The following SORCS2 variants were observed in gnomAD, a reference collection of about 807,000 sequenced individuals.
SORCS2 encodes the protein VPS10 domain-containing receptor SorCS2.
Under a neutral mutation model 141.6 loss-of-function variants are expected in SORCS2, and 100 were observed. The observed-to-expected ratio is 0.71, with a 90% CI of 0.60 to 0.83. The LOEUF (loss-of-function observed/expected upper bound fraction) is 0.83. SORCS2 is among the 40% of genes least tolerant of loss of function. The pLI, the probability that SORCS2 is intolerant of heterozygous loss-of-function variation, is 0.00. For missense variants in SORCS2, 1,646 were observed against 1,560.2 expected (o/e 1.05, Z -0.93); for synonymous variants, 789 against 676.9 (o/e 1.17, Z -2.57).
At chr4:7,653,998 C>T in intron 4 of SORCS2, 136 bp from the exon 5 acceptor site, 3 of 815,126 alleles carry the variant, frequency 3.7e-6, no homozygotes, top group Non-Finnish European at 5.9e-6. Flanking sequence ...AGCATGAGCA[C>T]AGCGCCTCCG....
intron 1 of SORCS2, among the ~76,000 whole-genome samples, chr4:7,272,870 C>T (rs1248244943): frequency 6.6e-6 from 1 of 152,262 alleles, no homozygotes; most frequent in African/African-American, 2.4e-5. Flanking sequence ...TCCAACTTTC[C>T]CCACCAGCAC....
intron 3 of SORCS2, among the ~76,000 whole-genome samples, chr4:7,552,285 A>G (rs1253258251): frequency 1.3e-5 from 2 of 152,018 alleles, no homozygotes; most frequent in East Asian, 3.9e-4. Context: ...AGCGTTGACT[A>G]TTTTCCTGGT....
chr4:7,612,569 A>G (rs912526786), intron 3 of SORCS2, among the ~76,000 whole-genome samples: 6 of 152,100 alleles, frequency 3.9e-5, no homozygotes, highest in African/African-American at 1.4e-4. Context: ...TGAACCCACT[A>G]AGACCCCAGC....
chr4:7,333,593 T>C (rs1164631691), intron 1 of SORCS2, among the ~76,000 whole-genome samples: 2 of 152,058 alleles, frequency 1.3e-5, no homozygotes, highest in Non-Finnish European at 2.9e-5. Context: ...AGGGCCCTCG[T>C]CGTCCACCTC....
intron 4 of SORCS2, among the ~76,000 whole-genome samples, chr4:7,650,441 C>A (rs1333095328): frequency 1.3e-5 from 2 of 152,182 alleles, no homozygotes; most frequent in Non-Finnish European, 2.9e-5. Flanking sequence ...AGCGGGAGGC[C>A]AGATTCCCAT....
chr4:7,655,202 T>TACACACACACACACACACAC lies in SORCS2; in HGVS notation c.887+1001_887+1020dup, dbSNP rs144046004. 1.5e-3 allele frequency among the ~76,000 whole-genome samples: 225 copies of TACACACACACACACACACAC among 148,982 alleles called. 1 individual carries two copies. Among genetic ancestry groups the TACACACACACACACACACAC allele is most frequent in the African/African-American group, 4.4e-3 (180 of 40,538 alleles). ...ATGGCATTCCTCTTTCTTGTGCGTG[T>TACACACACACACACACACAC]ACACACACACACACACACACACACA... On this transcript the variant is annotated intron_variant, in intron 5 of 26. Coordinates refer to ENST00000507866, the MANE Select transcript of SORCS2 (RefSeq NM_020777.3).
chr4:7,543,118 A>T (rs1712811662), intron 3 of SORCS2, among the ~76,000 whole-genome samples: 1 of 152,222 alleles, frequency 6.6e-6, no homozygotes, highest in African/African-American at 2.4e-5. Flanking sequence ...AGGCTGAAGG[A>T]CACAGGATGG....
At chr4:7,598,720 G>T (rs1717450490) in intron 3 of SORCS2, among the ~76,000 whole-genome samples, 1 of 152,162 alleles carries the variant, frequency 6.6e-6, no homozygotes, top group Non-Finnish European at 1.5e-5. Context: ...TCACGCAATG[G>T]CTTCTGTCTT....
chr4:7,356,912 C>G (rs925511619), intron 1 of SORCS2, among the ~76,000 whole-genome samples: 30 of 152,222 alleles, frequency 2.0e-4, no homozygotes, highest in African/African-American at 7.0e-4. Context: ...ACCAGCCAGC[C>G]ACTTGCTCTG....
In SORCS2 at chr4:7,314,920, C is replaced by T. The variant is rs1291194301; in HGVS notation, c.481-81368C>T. ...AATCTTGACTCACTGCAACCTCTGC[C>T]TCCAGGGTTCAAGCGATTCTCCTGC... On this transcript the variant is annotated intron_variant, in intron 1 of 26. Coordinates refer to ENST00000507866, the MANE Select transcript of SORCS2 (RefSeq NM_020777.3). Among the ~76,000 whole-genome samples the T allele has an allele frequency of 2.6e-5, 4 of 151,480 alleles. No homozygotes were observed. In the East Asian group the frequency reaches 5.9e-4, roughly 22 times the overall value.
chr4:7,369,378 T>A (rs1722108775), intron 1 of SORCS2, among the ~76,000 whole-genome samples: 1 of 152,168 alleles, frequency 6.6e-6, no homozygotes, highest in Non-Finnish European at 1.5e-5. Flanking sequence ...CGGGTATGTC[T>A]TTATCAGCAG....
intron 1 of SORCS2, among the ~76,000 whole-genome samples, chr4:7,324,526 A>G (rs535652187): frequency 1.3e-5 from 2 of 152,266 alleles, no homozygotes; most frequent in East Asian, 1.9e-4. Flanking sequence ...GACAGGTGGG[A>G]CTGTGATTCA....
intron 3 of SORCS2, among the ~76,000 whole-genome samples, chr4:7,543,982 G>A (rs1168689637): frequency 0.16 from 2,898 of 18,598 alleles, 96 homozygotes; most frequent in Non-Finnish European, 0.17. Flanking sequence ...CCACCCATCC[G>A]TCCATCCATC....
intron 4 of SORCS2, among the ~76,000 whole-genome samples, chr4:7,652,509 G>A (rs934631436): frequency 2.0e-4 from 31 of 151,906 alleles, no homozygotes; most frequent in Admixed American, 2.0e-4. Context: ...CCCCGACCCC[G>A]CCCACTCCTC....
intron 2 of SORCS2, among the ~76,000 whole-genome samples, chr4:7,501,905 C>G (rs1560336853): frequency 6.6e-6 from 1 of 152,224 alleles, no homozygotes; most frequent in Non-Finnish European, 1.5e-5. Flanking sequence ...AAGGAGGGCT[C>G]CCACAACGAG....
intron 1 of SORCS2, among the ~76,000 whole-genome samples, chr4:7,309,713 T>C (rs1276027617): frequency 6.6e-6 from 1 of 152,228 alleles, no homozygotes; most frequent in East Asian, 1.9e-4. Context: ...GGCTCTGGGC[T>C]ACCTGCTGGG....
chr4:7,295,717 G>T (rs1717004012), intron 1 of SORCS2, among the ~76,000 whole-genome samples: 2 of 152,230 alleles, frequency 1.3e-5, no homozygotes, highest in Non-Finnish European at 2.9e-5. Context: ...GCCACCATGT[G>T]GGGTGGGGAC....
intron 2 of SORCS2, among the ~76,000 whole-genome samples, chr4:7,484,603 C>G (rs1018625561): frequency 6.6e-5 from 10 of 152,136 alleles, no homozygotes; most frequent in African/African-American, 2.4e-4. Flanking sequence ...GCCTCTGCAC[C>G]TGGGGAGCTC....
intron 2 of SORCS2, among the ~76,000 whole-genome samples, chr4:7,438,326 G>A (rs773201085): frequency 2.0e-5 from 3 of 152,224 alleles, no homozygotes; most frequent in Non-Finnish European, 4.4e-5. Flanking sequence ...CCAGACCCAG[G>A]TCATGCATCG....
Sources: gnomAD v4.1 joint callset for allele counts (sites outside exome capture counted in the v4.1 genomes callset) on GRCh38, gnomAD v4.1.1 for gene constraint, MANE v1.5 for transcripts, NCBI Gene and HGNC (gene_info 2026-07-23, HGNC 2026-07-21) for gene names.